The following SUPT6H variants were observed in gnomAD, a reference collection of about 807,000 sequenced individuals.
SUPT6H encodes the protein SPT6 homolog, histone chaperone and transcription elongation factor, also known as transcription elongation factor SPT6.
SUPT6H carries 11 observed loss-of-function variants against 222.3 expected under a neutral mutation model. The observed-to-expected ratio is 0.05, with a 90% CI of 0.03 to 0.08. SUPT6H has a LOEUF of 0.08. Ranked by LOEUF, SUPT6H falls within the 10% of genes least tolerant of loss-of-function variation. SUPT6H has a pLI of 1.00. For missense variants in SUPT6H, 1,422 were observed against 2,216.0 expected (o/e 0.64, Z 7.19); for synonymous variants, 762 against 801.2 (o/e 0.95, Z 0.83).
intron 27 of SUPT6H, chr17:28,691,355 GTC>G: frequency 3.2e-6 from 1 of 313,698 alleles, no homozygotes; most frequent in Non-Finnish European, 6.1e-6. Flanking sequence ...GTGAACCCCC[GTC>G]TCTACTAAAA....
At chr17:28,679,010 A>G in intron 11 of SUPT6H, 47 bp downstream of exon 11, 1 of 1,612,336 alleles carries the variant, frequency 6.2e-7, no homozygotes. Context: ...CTCAGACCCC[A>G]AGGCTGGCCC....
At position 28,695,509 on chromosome 17, in the gene SUPT6H, A is replaced by G; in HGVS notation, c.3932A>G (p.Lys1311Arg). Residue 1311 changes from lysine to arginine, a missense_variant, in exon 29 of 37, where the codon AAG (lysine) becomes AGG (arginine). Lys to Arg is a conservative substitution (Grantham distance 26). This residue lies in a region of SUPT6H where 395 missense variants were observed against 580.6 expected (regional missense o/e 0.68). Transcript: ENST00000314616. ...TTTGATGCTGAAGCTGCAGACCACAAGCAGGAGGAGGACATGAAGCGGAAG... is the reference window on the plus strand; with the variant it reads ...TTTGATGCTGAAGCTGCAGACCACAGGCAGGAGGAGGACATGAAGCGGAAG... ...YDFDAEAADH[K>R]QEEDMKRKQQ... The G allele has an allele frequency of 5.6e-6, 9 of 1,614,124 alleles. No individual in the cohort carries two copies. The highest frequency in any genetic ancestry group is 7.6e-6 in the Non-Finnish European group (9 of 1,180,030).
chr17:28,678,706 C>A lies in SUPT6H; in HGVS notation c.1206+72C>A. The A allele has an allele frequency of 1.9e-6, 3 of 1,610,732 alleles. No homozygotes were observed. In the South Asian group the frequency reaches 3.3e-5, roughly 18 times the overall value. ...CCATTACTACCAGGATACCACAAAC[C>A]CAAACCCCCCAGGCCTGTCTAGTCC... On this transcript the variant is annotated intron_variant, in intron 10 of 36. Coordinates refer to ENST00000314616, the MANE Select transcript of SUPT6H (RefSeq NM_003170.5).
intron 1 of SUPT6H, among the ~76,000 whole-genome samples, chr17:28,663,722 A>T (rs1206265200): frequency 2.6e-5 from 4 of 151,534 alleles, no homozygotes; most frequent in Admixed American, 2.0e-4. Flanking sequence ...TACCATGCCA[A>T]TTTTTTAAAT....
rs147236135 is a variant in SUPT6H at position 28,683,775 on chromosome 17, A to G, written c.2188A>G (p.Lys730Glu). 6.2e-7 allele frequency: 1 copy of G among 1,613,936 alleles called. No homozygotes were observed. Among genetic ancestry groups the G allele is most frequent in the Non-Finnish European group, 8.5e-7 (1 of 1,180,036 alleles). Residue 730 changes from lysine to glutamate, a missense_variant, in exon 17 of 37, where the codon AAG becomes GAG. By Grantham distance (56) the Lys-to-Glu change is moderately conservative. This residue lies in a region of SUPT6H where 294 missense variants were observed against 382.1 expected (regional missense o/e 0.77). Transcript: ENST00000314616. ...FLYVQMAKEL[K>E]NKLLAEAKEY... Reference sequence around the variant, plus strand: ...CTATGTGCAGATGGCCAAAGAACTCAAGAACAAGCTGCTGGCTGAAGCCAA... The same window carrying G: ...CTATGTGCAGATGGCCAAAGAACTCGAGAACAAGCTGCTGGCTGAAGCCAA...
Position 28,690,102 on chromosome 17 carries a change from C to G in SUPT6H, c.3363C>G (p.Ile1121Met). ...LERQGYGDKH[I>M]TLYDIRAELS... ...CCCAGGGCTATGGTGACAAACACAT[C>G]ACACTCTATGACATCCGGGCAGAGC... is the stretch of plus-strand genomic sequence containing the variant. The change falls in exon 26 of 37, where the codon ATC becomes ATG. Residue 1121 changes from isoleucine (I) to methionine (M), a missense_variant. By Grantham distance (10) the Ile-to-Met change is conservative. Transcript: ENST00000314616. 3 of 1,612,758 alleles carry G rather than the reference C, an allele frequency of 1.9e-6. No homozygotes were observed. The highest frequency in any genetic ancestry group is 2.5e-6 in the Non-Finnish European group (3 of 1,179,802).
intron 17 of SUPT6H, 36 bp downstream of exon 17, chr17:28,683,852 T>C (rs76240947): frequency 7.1e-7 from 1 of 1,409,970 alleles, no homozygotes; most frequent in Admixed American, 2.0e-5. Flanking sequence ...TTTTTTTTTT[T>C]GGTGACAGAG....
At chr17:28,701,277 CG>C (rs2032120952) in intron 36 of SUPT6H, 149 bp downstream of exon 36, 1 of 1,396,020 alleles carries the variant, frequency 7.2e-7, no homozygotes, top group Admixed American at 2.2e-5. Flanking sequence ...TGGGTGAAGA[CG>C]GAAGAGGGCA....
In SUPT6H at chr17:28,674,750, G is replaced by A. The variant is rs562599019; in HGVS notation, c.345+137G>A. The stretch of plus-strand genomic sequence containing the variant: ...ACGGTGTTCGGTATCATTGTACTAC[G>A]GAGCCTAGATTTGCATCCCAGATCT... On this transcript the variant is annotated intron_variant, in intron 4 of 36. Transcript: ENST00000314616. 59 of 915,890 alleles carry A rather than the reference G, an allele frequency of 6.4e-5. No homozygotes were observed. In the African/African-American group the frequency reaches 6.8e-4, roughly 11 times the overall value. The allele number at this position is 915,890 out of a possible 1,614,324, so 56.7% of individuals were successfully genotyped here.
chr17:28,679,366 T>G (rs2030951476), intron 11 of SUPT6H, among the ~76,000 whole-genome samples: 1 of 151,456 alleles, frequency 6.6e-6, no homozygotes, highest in Non-Finnish European at 1.5e-5. Context: ...GAGCGAGACT[T>G]CGTCTCAAAA....
intron 1 of SUPT6H, among the ~76,000 whole-genome samples, chr17:28,669,133 T>C (rs1042534901): frequency 5.8e-4 from 88 of 152,254 alleles, no homozygotes; most frequent in Non-Finnish European, 2.2e-4. Context: ...CATTTAAAAA[T>C]ATTTATTGAT....
intron 11 of SUPT6H, 21 bp from the exon 12 acceptor site, chr17:28,681,235 C>T (rs967096351): frequency 6.2e-6 from 10 of 1,613,032 alleles, no homozygotes; most frequent in Admixed American, 1.7e-5. Context: ...TGACTGAAAC[C>T]TTATGTCTCT....
Position 28,673,476 on chromosome 17 carries a change from A to G in SUPT6H, c.75A>G (p.Arg25=). ...EYNDEGEVVP[R]VTKKFVEEED... ...ATGATGAAGGCGAGGTGGTACCCCGAGTCACCAAGAAATTTGTGGAAGAGG... is the reference window on the plus strand; with the variant it reads ...ATGATGAAGGCGAGGTGGTACCCCGGGTCACCAAGAAATTTGTGGAAGAGG... Residue 25 remains arginine, a synonymous_variant, in exon 2 of 37, where the codon CGA becomes CGG. Coordinates refer to ENST00000314616, the MANE Select transcript of SUPT6H (RefSeq NM_003170.5). The G allele has an allele frequency of 6.2e-7, 1 of 1,613,688 alleles. No individual in the cohort carries two copies. Among genetic ancestry groups the G allele is most frequent in the Non-Finnish European group, 8.5e-7 (1 of 1,179,984 alleles).
chr17:28,690,043 G>A (rs778303105), intron 25 of SUPT6H, 39 bp from the exon 26 acceptor site: 1 of 1,589,814 alleles, frequency 6.3e-7, no homozygotes, highest in Non-Finnish European at 8.6e-7. Flanking sequence ...CAGGTTGGGG[G>A]GCAGCTGCAA....
rs151317142 is a variant in SUPT6H, at chr17:28,680,848, C to T, written c.1350-408C>T. On this transcript the variant is annotated intron_variant, in intron 11 of 36. Coordinates refer to ENST00000314616, the MANE Select transcript of SUPT6H (RefSeq NM_003170.5). ...ATTTTTAGTAGAGACGGGGTTTCAC[C>T]GTGTTAGCCAGGATGGTCTCTATCT... Among the ~76,000 whole-genome samples, 1,000 of 152,248 alleles carry T rather than the reference C, an allele frequency of 6.6e-3. 8 individuals carry two copies. Among genetic ancestry groups the T allele is most frequent in the African/African-American group, 0.02 (832 of 41,556 alleles).
Position 28,691,044 on chromosome 17 carries a change from A to G in SUPT6H, c.3614A>G (p.Asn1205Ser). The G allele has an allele frequency of 6.2e-7, 1 of 1,613,842 alleles. No individual in the cohort carries two copies. The highest frequency in any genetic ancestry group is 8.5e-7 in the Non-Finnish European group (1 of 1,179,958). ...CAGTGCCCCTTCTGTCAGCAGGACA[A>G]TTTCCCTGAACTAAGCGAGGTGTGT... ...LWQCPFCQQD[N>S]FPELSEVWNH... Residue 1205 changes from asparagine to serine, a missense_variant, in exon 27 of 37, where the codon AAT (asparagine) becomes AGT (serine). By Grantham distance (46) the Asn-to-Ser change is conservative. Coordinates refer to ENST00000314616, the MANE Select transcript of SUPT6H (RefSeq NM_003170.5).
In SUPT6H at chr17:28,683,364, G is replaced by T; in HGVS notation, c.1975G>T (p.Ala659Ser). 3 of 1,614,182 alleles carry T rather than the reference G, an allele frequency of 1.9e-6. No individual in the cohort carries two copies. Among genetic ancestry groups the T allele is most frequent in the Non-Finnish European group, 2.5e-6 (3 of 1,180,048 alleles). ...TGACCAGTTTCTCAAGATATGCCTG[G>T]CTGAAGACGAAGGGCTCCTCACCAC... ...RDDQFLKICL[A>S]EDEGLLTTDI... is the part of the protein sequence containing the mutation. The change falls in exon 16 of 37, where the codon GCT (alanine) becomes TCT (serine). Residue 659 changes from alanine to serine, a missense_variant. Physicochemically the swap from Ala to Ser is moderately conservative, Grantham distance 99. Around this residue, in one of 13 missense-constraint regions of SUPT6H, gnomAD observed 121 missense variants for 158.0 expected, o/e 0.77. Coordinates refer to ENST00000314616, the MANE Select transcript of SUPT6H (RefSeq NM_003170.5).
intron 21 of SUPT6H, 143 bp from the exon 22 acceptor site, chr17:28,686,945 G>A (rs1205663580): frequency 4.7e-6 from 7 of 1,481,164 alleles, no homozygotes; most frequent in Non-Finnish European, 6.4e-6. Flanking sequence ...GTTCAGATTG[G>A]GAGTCCCAGA....
At chr17:28,682,020 G>A in intron 13 of SUPT6H, 40 bp downstream of exon 13, 1 of 1,520,948 alleles carries the variant, frequency 6.6e-7, no homozygotes, top group South Asian at 1.2e-5. Context: ...ATTCTAGCCT[G>A]AGCAAGGGGA....
Sources: allele counts gnomAD v4.1 joint callset (sites outside exome capture counted in the v4.1 genomes callset), GRCh38; gene constraint gnomAD v4.1.1; regional missense constraint gnomAD v4.1.1; transcripts MANE v1.5; gene names NCBI Gene and HGNC (gene_info 2026-07-23, HGNC 2026-07-21).